Variants in RAD51B observed in about 807,000 individuals in gnomAD.
The protein encoded by RAD51B is DNA repair protein RAD51 homolog 2.
RAD51B carries 38 observed loss-of-function variants against 42.2 expected under a neutral mutation model. The ratio of observed to expected loss-of-function variants is 0.90; its 90% CI spans 0.70 to 1.18. The LOEUF (loss-of-function observed/expected upper bound fraction) is 1.18, where lower values mean the gene tolerates loss of function less well. Ranked by LOEUF, RAD51B falls within the 50% of genes most tolerant of loss-of-function variation. The pLI is 0.00. For synonymous variants in RAD51B, 154 were observed against 145.2 expected (o/e 1.06, Z -0.43); for missense variants, 373 against 400.7 (o/e 0.93, Z 0.59).
At chr14:68,634,603 C>T (rs139134075) in intron 10 of RAD51B, among the ~76,000 whole-genome samples, 157 of 152,234 alleles carry the variant, frequency 1.0e-3, no homozygotes, top group African/African-American at 3.6e-3. Context: ...ACAGAGCCAC[C>T]GAAACCCTCC....
At chr14:68,041,553 T>C (rs563763469) in intron 7 of RAD51B, among the ~76,000 whole-genome samples, 4 of 152,070 alleles carry the variant, frequency 2.6e-5, no homozygotes, top group Non-Finnish European at 4.4e-5. Context: ...AGGGTCAACA[T>C]TTATACTCTC....
chr14:68,377,006 A>G (rs2083384051), intron 8 of RAD51B, among the ~76,000 whole-genome samples: 1 of 152,204 alleles, frequency 6.6e-6, no homozygotes, highest in Non-Finnish European at 1.5e-5. Context: ...GGGAATGTAG[A>G]TAGTATAGGA....
chr14:68,234,579 A>G (rs1055081577), intron 7 of RAD51B, among the ~76,000 whole-genome samples: 1 of 152,218 alleles, frequency 6.6e-6, no homozygotes. Context: ...TGTACTGAAT[A>G]CTATAGGCAA....
intron 7 of RAD51B, among the ~76,000 whole-genome samples, chr14:68,235,373 CAGT>C (rs757042662): frequency 1.3e-5 from 2 of 151,956 alleles, no homozygotes; most frequent in South Asian, 4.1e-4. Flanking sequence ...GGGCCAAGGA[CAGT>C]AGTGTATTCT....
rs533174729 is a variant in RAD51B, at chr14:67,855,944, A to G, written c.316-9059A>G. ...ACTAGGCCTCTGTTCTAATACAGACATTTAGCATATGCGGTTGATTGGACC... is the reference window on the plus strand; with the variant it reads ...ACTAGGCCTCTGTTCTAATACAGACGTTTAGCATATGCGGTTGATTGGACC... On this transcript the variant is annotated intron_variant, in intron 4 of 10. Coordinates refer to ENST00000471583, the MANE Select transcript of RAD51B (RefSeq NM_133510.4). Among the ~76,000 whole-genome samples, 12 of 152,342 alleles carry G rather than the reference A, an allele frequency of 7.9e-5. No homozygotes were observed. In the South Asian group the frequency reaches 2.5e-3, roughly 32 times the overall value.
chr14:67,887,696 G>A (rs2043104568), intron 7 of RAD51B: 1 of 152,412 alleles, frequency 6.6e-6, no homozygotes, highest in Non-Finnish European at 1.5e-5. Flanking sequence ...GCTTCAAATG[G>A]TCAGAGGTCA....
At chr14:68,121,397 T>C (rs191765495) in intron 7 of RAD51B, among the ~76,000 whole-genome samples, 59 of 152,322 alleles carry the variant, frequency 3.9e-4, no homozygotes, top group African/African-American at 1.3e-3. Flanking sequence ...GAGGCGTTAT[T>C]CCTCCTTGTT....
intron 7 of RAD51B, among the ~76,000 whole-genome samples, chr14:67,969,400 A>G (rs2074852869): frequency 6.6e-6 from 1 of 152,154 alleles, no homozygotes; most frequent in Admixed American, 6.5e-5. Flanking sequence ...ACTTCTACCC[A>G]ATTACTGACA....
At chr14:68,321,106 T>A (rs145673666) in intron 8 of RAD51B, among the ~76,000 whole-genome samples, 1 of 152,096 alleles carries the variant, frequency 6.6e-6, no homozygotes, top group Admixed American at 6.6e-5. Context: ...ACCACTAACT[T>A]CTCACGATTT....
chr14:68,352,426 C>G (rs1348744616), intron 8 of RAD51B, among the ~76,000 whole-genome samples: 2 of 152,240 alleles, frequency 1.3e-5, no homozygotes, highest in Non-Finnish European at 2.9e-5. Flanking sequence ...TGTCTGCTAA[C>G]TCTTCCACCT....
intron 7 of RAD51B, among the ~76,000 whole-genome samples, chr14:67,901,639 A>G (rs1566949562): frequency 1.3e-5 from 2 of 152,232 alleles, no homozygotes; most frequent in African/African-American, 4.8e-5. Context: ...CAGAATCACA[A>G]TACAGTTCAC....
intron 7 of RAD51B, among the ~76,000 whole-genome samples, chr14:68,094,428 A>G (rs1479005363): frequency 6.6e-6 from 1 of 152,210 alleles, no homozygotes; most frequent in Non-Finnish European, 1.5e-5. Flanking sequence ...ATTCATTTTG[A>G]AAGAGTATTT....
At chr14:68,091,146 G>A (rs947207079) in intron 7 of RAD51B, among the ~76,000 whole-genome samples, 39 of 152,082 alleles carry the variant, frequency 2.6e-4, no homozygotes, top group Admixed American at 2.2e-3. Context: ...ATTGTGAATA[G>A]TGCCGCAATA....
intron 7 of RAD51B, among the ~76,000 whole-genome samples, chr14:68,097,517 T>C (rs2077216128): frequency 6.6e-6 from 1 of 152,212 alleles, no homozygotes; most frequent in Non-Finnish European, 1.5e-5. Flanking sequence ...CCAAACCATA[T>C]ACACAACAGT....
At chr14:68,435,626 A>G (rs1215534648) in intron 9 of RAD51B, among the ~76,000 whole-genome samples, 1 of 151,706 alleles carries the variant, frequency 6.6e-6, no homozygotes, top group African/African-American at 2.4e-5. Flanking sequence ...TGGCTGAACT[A>G]TCTACATTCC....
At chr14:68,173,360 C>A (rs74705740) in intron 7 of RAD51B, among the ~76,000 whole-genome samples, 2,348 of 152,292 alleles carry the variant, frequency 0.015, 67 homozygotes, top group African/African-American at 0.051. Context: ...TGATTGCCAT[C>A]TTTCTATACT....
chr14:68,554,854 GTTT>G (rs3076489), intron 10 of RAD51B, among the ~76,000 whole-genome samples: 36 of 138,946 alleles, frequency 2.6e-4, no homozygotes, highest in African/African-American at 8.7e-4. Flanking sequence ...AAATTAAAAA[GTTT>G]TTTTTTTTTT....
chr14:68,098,319 G>C (rs979692392), intron 7 of RAD51B, among the ~76,000 whole-genome samples: 1 of 152,178 alleles, frequency 6.6e-6, no homozygotes, highest in African/African-American at 2.4e-5. Context: ...TTGTTTAAGA[G>C]ATTGGCAATA....
chr14:67,910,183 A>T (rs1309040463), intron 7 of RAD51B, among the ~76,000 whole-genome samples: 1 of 152,160 alleles, frequency 6.6e-6, no homozygotes, highest in African/African-American at 2.4e-5. Context: ...GCAGCTGCGT[A>T]TACGAATATA....
Sources: gnomAD v4.1 joint callset for allele counts (sites outside exome capture counted in the v4.1 genomes callset) on GRCh38, gnomAD v4.1.1 for gene constraint, MANE v1.5 for transcripts, NCBI Gene and HGNC (gene_info 2026-07-23, HGNC 2026-07-21) for gene names.